DYSF: variants seen among roughly 807,000 people sequenced by gnomAD.
DYSF encodes the protein dystrophy-associated fer-1-like 1.
Under a neutral mutation model 274.9 loss-of-function variants are expected in DYSF, and 212 were observed. That is an observed-to-expected ratio of 0.77 (90% confidence interval 0.69 to 0.86). DYSF has a LOEUF of 0.86. Ranked by LOEUF, DYSF falls within the 40% of genes least tolerant of loss-of-function variation. The pLI is 0.00. For synonymous variants in DYSF, 1,091 were observed against 1,078.7 expected (o/e 1.01, Z -0.22); for missense variants, 2,666 against 2,783.2 (o/e 0.96, Z 0.95).
At position 71,664,434 on chromosome 2, in the gene DYSF, T is replaced by C; in HGVS notation, c.5170T>C (p.Cys1724Arg). The change falls in exon 46 of 56, where the codon TGT (cysteine) becomes CGT (arginine). Residue 1724 changes from cysteine to arginine, a missense_variant. Coordinates refer to ENST00000410020, the MANE Select transcript of DYSF (RefSeq NM_001130987.2). ...GARCGLPQTY[C>R]VSGPNQWRDQ... ...TCGCTGTGGACTCCCACAGACCTAC[T>C]GTGTGTACGTGGATGGGGGCTGGCT... The C allele has an allele frequency of 6.2e-7, 1 of 1,614,136 alleles. No individual in the cohort carries two copies. Among genetic ancestry groups the C allele is most frequent in the Non-Finnish European group, 8.5e-7 (1 of 1,180,012 alleles).
At chr2:71,467,579 C>T (rs2081626853) in intron 1 of DYSF, among the ~76,000 whole-genome samples, 1 of 152,200 alleles carries the variant, frequency 6.6e-6, no homozygotes, top group Non-Finnish European at 1.5e-5. Flanking sequence ...ACACACTCCT[C>T]TTCTCACCAG....
At chr2:71,655,559 T>C (rs1291830775) in intron 42 of DYSF, among the ~76,000 whole-genome samples, 1 of 152,226 alleles carries the variant, frequency 6.6e-6, no homozygotes, top group African/African-American at 2.4e-5. Flanking sequence ...ATAATAATCA[T>C]TGGCTGTTTG....
intron 46 of DYSF, 74 bp downstream of exon 46, chr2:71,664,512 A>G (rs2094960301): frequency 8.3e-6 from 13 of 1,573,926 alleles, no homozygotes; most frequent in South Asian, 1.1e-5. Flanking sequence ...ACACACCACC[A>G]CTGAGCACTT....
At chr2:71,541,687 C>G (rs138132459) in intron 17 of DYSF, among the ~76,000 whole-genome samples, 1 of 151,914 alleles carries the variant, frequency 6.6e-6, no homozygotes, top group African/African-American at 2.4e-5. Context: ...TTTCTGCCTT[C>G]TGTGTCATGC....
intron 1 of DYSF, 93 bp from the exon 2 acceptor site, chr2:71,480,790 A>C: frequency 8.3e-7 from 1 of 1,199,056 alleles, no homozygotes; most frequent in South Asian, 1.2e-5. Context: ...TTGGCGACCA[A>C]GCTGAAGCAC....
At chr2:71,491,238 G>A (rs4852790) in intron 3 of DYSF, among the ~76,000 whole-genome samples, 54,074 of 151,994 alleles carry the variant, frequency 0.36, 10,920 homozygotes, top group Non-Finnish European at 0.47. Context: ...TGGGTTGCTC[G>A]TCTTTTCCTT....
chr2:71,668,981 C>A, intron 49 of DYSF, 131 bp from the exon 50 acceptor site: 1 of 1,310,238 alleles, frequency 7.6e-7, no homozygotes, highest in Non-Finnish European at 1.1e-6. Flanking sequence ...TCGTTTGGGC[C>A]TGGGCCAGTG....
chr2:71,679,275 G>T, intron 53 of DYSF, 40 bp downstream of exon 53: 3 of 1,596,884 alleles, frequency 1.9e-6, no homozygotes, highest in Non-Finnish European at 2.6e-6. Context: ...GGGCATGGGG[G>T]AAGCTTCTTC....
intron 21 of DYSF, among the ~76,000 whole-genome samples, chr2:71,554,762 G>A (rs2091222039): frequency 6.6e-6 from 1 of 152,214 alleles, no homozygotes; most frequent in South Asian, 2.1e-4. Context: ...TGTTTTGGAG[G>A]TGAGGAGGAG....
At chr2:71,589,939 G>A (rs1237454122) in intron 31 of DYSF, among the ~76,000 whole-genome samples, 1 of 152,124 alleles carries the variant, frequency 6.6e-6, no homozygotes, top group East Asian at 1.9e-4. Context: ...CTCTGTGGCT[G>A]TCCCATTGTC....
intron 40 of DYSF, among the ~76,000 whole-genome samples, chr2:71,618,434 G>GTGTGTGCGGTAGAGGTGGGGGGTGT (rs1558640223): frequency 2.2e-5 from 1 of 45,704 alleles, no homozygotes; most frequent in Non-Finnish European, 4.2e-5. Context: ...GTAGAGGTGG[G>GTGTGTGCGGTAGAGGTGGGGGGTGT]GTGTGTGTGG....
chr2:71,520,593 C>A (rs12713754), intron 11 of DYSF, among the ~76,000 whole-genome samples, 196 bp from the exon 12 acceptor site: 1 of 152,024 alleles, frequency 6.6e-6, no homozygotes, highest in Non-Finnish European at 1.5e-5. Context: ...CTCTTACAGG[C>A]GTTTCTGTTA....
intron 10 of DYSF, 65 bp from the exon 11 acceptor site, chr2:71,520,109 AATGC>A (rs1354865302): frequency 2.5e-6 from 4 of 1,584,788 alleles, no homozygotes; most frequent in Non-Finnish European, 3.5e-6. Context: ...GGAATCATAT[AATGC>A]ACCACACTTT....
At chr2:71,518,422 G>GTTTTTT (rs573031688) in intron 10 of DYSF, among the ~76,000 whole-genome samples, 3 of 136,092 alleles carry the variant, frequency 2.2e-5, no homozygotes, top group East Asian at 2.2e-4. Flanking sequence ...ACGCCTGGCA[G>GTTTTTT]TTTTTTTTTT....
chr2:71,601,395 A>G lies in DYSF; in HGVS notation c.3898-104A>G, dbSNP rs2152859804. ...CTACCCTCAAGGAATAGAGGCTGCA[A>G]ACCATGGACTGTCTGATCACTGACA... On this transcript the variant is annotated intron_variant, in intron 34 of 55. Transcript: ENST00000410020. 5 of 1,490,902 alleles carry G rather than the reference A, an allele frequency of 3.4e-6. No individual in the cohort carries two copies. The South Asian group carries it at 5.6e-5, about 17-fold the overall frequency. The allele number at this position is 1,490,902 out of a possible 1,614,324, so 92.4% of individuals were successfully genotyped here.
chr2:71,515,511 C>G, intron 7 of DYSF, 112 bp from the exon 8 acceptor site: 1 of 1,494,120 alleles, frequency 6.7e-7, no homozygotes, highest in Non-Finnish European at 9.3e-7. Context: ...AATACTTTCC[C>G]CAAGAAGCCA....
intron 54 of DYSF, among the ~76,000 whole-genome samples, 191 bp from the exon 55 acceptor site, chr2:71,682,339 G>A (rs1471385792): frequency 6.6e-6 from 1 of 152,094 alleles, no homozygotes; most frequent in African/African-American, 2.4e-5. Flanking sequence ...ACAGGTGGGG[G>A]TGATACTGTA....
intron 3 of DYSF, among the ~76,000 whole-genome samples, chr2:71,489,319 G>A (rs1227690247): frequency 6.6e-6 from 1 of 152,136 alleles, no homozygotes; most frequent in African/African-American, 2.4e-5. Flanking sequence ...TGAATGCATA[G>A]GTGGCAGCCT....
At chr2:71,478,323 T>C (rs1279009894) in intron 1 of DYSF, among the ~76,000 whole-genome samples, 2 of 151,872 alleles carry the variant, frequency 1.3e-5, no homozygotes, top group Non-Finnish European at 2.9e-5. Flanking sequence ...GCCATTCTCC[T>C]GCCTCAGCCT....
Sources: gnomAD v4.1 joint callset for allele counts (sites outside exome capture counted in the v4.1 genomes callset) on GRCh38, gnomAD v4.1.1 for gene constraint, MANE v1.5 for transcripts, NCBI Gene and HGNC (gene_info 2026-07-23, HGNC 2026-07-21) for gene names.